Variants in RYR2 observed in about 807,000 individuals in gnomAD.
The protein encoded by RYR2 is cardiac muscle ryanodine receptor-calcium release channel.
Under a neutral mutation model 601.1 loss-of-function variants are expected in RYR2, and 227 were observed. The ratio of observed to expected loss-of-function variants is 0.38; its 90% CI spans 0.34 to 0.42. The LOEUF is 0.42. RYR2 is among the 10% of genes least tolerant of loss of function. The pLI is 1.00. For missense variants in RYR2, 4,646 were observed against 6,156.5 expected (o/e 0.75, Z 8.21); for synonymous variants, 2,223 against 2,175.1 (o/e 1.02, Z -0.61).
At chr1:237,647,159 A>G (rs1682254776) in intron 48 of RYR2, among the ~76,000 whole-genome samples, 1 of 152,192 alleles carries the variant, frequency 6.6e-6, no homozygotes, top group African/African-American at 2.4e-5. Context: ...TAATATACTG[A>G]TTTGACACTA....
In RYR2 at chr1:237,660,889, G is replaced by A. The variant is rs559773178; in HGVS notation, c.8378G>A (p.Arg2793Gln). ...LAWGWRIERT[R>Q]EGDSMALYNR... ...TGGGGCTGGAGAATTGAAAGAACTCGGGAGGGAGACAGCATGGCCCTTTAC... is the reference window on the plus strand; with the variant it reads ...TGGGGCTGGAGAATTGAAAGAACTCAGGAGGGAGACAGCATGGCCCTTTAC... The change falls in exon 56 of 105, where the codon CGG becomes CAG. Residue 2793 changes from arginine (R) to glutamine (Q), a missense_variant. Around this residue, in one of 17 missense-constraint regions of RYR2, gnomAD observed 1,497 missense variants for 1,842.6 expected, o/e 0.81. Coordinates refer to ENST00000366574, the MANE Select transcript of RYR2 (RefSeq NM_001035.3). 53 of 1,537,830 alleles carry A rather than the reference G, an allele frequency of 3.4e-5. No individual in the cohort carries two copies. The African/African-American group carries it at 4.8e-4, about 14-fold the overall frequency.
chr1:237,298,874 C>T (rs1693072446), intron 2 of RYR2, among the ~76,000 whole-genome samples: 1 of 152,008 alleles, frequency 6.6e-6, no homozygotes, highest in South Asian at 2.1e-4. Flanking sequence ...GTGGTGCACA[C>T]CTGTAGTTCC....
intron 84 of RYR2, among the ~76,000 whole-genome samples, chr1:237,767,073 C>G (rs897284798): frequency 6.6e-6 from 1 of 152,052 alleles, no homozygotes; most frequent in African/African-American, 2.4e-5. Context: ...TTCGATTCTC[C>G]CAACAGTCCT....
At position 237,784,513 on chromosome 1, in the gene RYR2, G is replaced by A. The variant is rs774406627; in HGVS notation, c.12801G>A (p.Gln4267=). Residue 4267 remains glutamine (Q), a synonymous_variant, in exon 90 of 105, where the codon CAG becomes CAA. Coordinates refer to ENST00000366574, the MANE Select transcript of RYR2 (RefSeq NM_001035.3). This position sits in a 1 kb window ranked among gnomAD's most constrained non-coding sequence, Gnocchi z 7.1. ...TCAGTCTGAAGAGCCTGAAGAAGCA[G>A]ATGAAAAAAGTAAAAAAGATGACCG... The part of the protein sequence containing the change: ...RMLSLKSLKK[Q]MKKVKKMTVK... 6.2e-7 allele frequency: 1 copy of A among 1,613,590 alleles called. No individual in the cohort carries two copies. The highest frequency in any genetic ancestry group is 1.3e-5 in the African/African-American group (1 of 74,884).
intron 82 of RYR2, among the ~76,000 whole-genome samples, chr1:237,758,111 G>T (rs546099952): frequency 6.6e-6 from 1 of 152,042 alleles, no homozygotes; most frequent in Non-Finnish European, 1.5e-5. Flanking sequence ...TAACCAGCTC[G>T]TTCTGTTCCC....
At chr1:237,744,740 A>G (rs1691927132) in intron 80 of RYR2, among the ~76,000 whole-genome samples, 2 of 149,482 alleles carry the variant, frequency 1.3e-5, no homozygotes, top group African/African-American at 4.9e-5. Context: ...AAAGTGAAAT[A>G]TTTGCTGCCA....
At chr1:237,096,777 G>A (rs1352814621) in intron 1 of RYR2, among the ~76,000 whole-genome samples, 1 of 152,202 alleles carries the variant, frequency 6.6e-6, no homozygotes, top group African/African-American at 2.4e-5. Context: ...AGCTGCTCTG[G>A]CATGTTCGGA....
chr1:237,223,068 T>TCAAAA (rs1047264227), intron 1 of RYR2, among the ~76,000 whole-genome samples: 11 of 152,156 alleles, frequency 7.2e-5, no homozygotes, highest in African/African-American at 2.7e-4. Flanking sequence ...AAACTCCGTC[T>TCAAAA]CAAAACAAAA....
At chr1:237,656,181 T>C (rs1044952278) in intron 53 of RYR2, among the ~76,000 whole-genome samples, 197 bp downstream of exon 53, 12 of 152,164 alleles carry the variant, frequency 7.9e-5, no homozygotes, top group African/African-American at 2.4e-4. Flanking sequence ...AGATAAGATG[T>C]ACCTTCTAGG....
chr1:237,668,539 C>CTG (rs1189892199), intron 58 of RYR2, among the ~76,000 whole-genome samples: 4 of 152,180 alleles, frequency 2.6e-5, no homozygotes, highest in Non-Finnish European at 5.9e-5. Flanking sequence ...AATGTGGTGT[C>CTG]TGTGTGTGTG....
intron 22 of RYR2, among the ~76,000 whole-genome samples, chr1:237,506,329 A>T (rs1665236172): frequency 6.6e-6 from 1 of 152,126 alleles, no homozygotes; most frequent in Admixed American, 6.5e-5. Flanking sequence ...CGAGGTCAGG[A>T]GATCGAAACC....
intron 3 of RYR2, among the ~76,000 whole-genome samples, chr1:237,344,024 T>C (rs1043345402): frequency 1.3e-5 from 2 of 151,994 alleles, no homozygotes; most frequent in Non-Finnish European, 2.9e-5. Context: ...GGTTTCTCCA[T>C]GTTGGCCAGG....
Position 237,711,840 on chromosome 1 carries a change from AT to A in RYR2, c.10323+5del. 1 of 1,280,906 alleles carries A rather than the reference AT, an allele frequency of 7.8e-7. No individual in the cohort carries two copies. The allele number at this position is 1,280,906 out of a possible 1,614,324, so 79.3% of individuals were successfully genotyped here. On this transcript the variant is annotated splice_donor_region_variant and intron_variant, in intron 71 of 104. Coordinates refer to ENST00000366574, the MANE Select transcript of RYR2 (RefSeq NM_001035.3). ...ATACCAAGTCAAAGATGTCAAAGGT[AT>A]TACTATAAACTGTTTCACTGTTCTG...
intron 82 of RYR2, among the ~76,000 whole-genome samples, chr1:237,759,400 A>G (rs1158989330): frequency 6.6e-6 from 1 of 152,104 alleles, no homozygotes; most frequent in African/African-American, 2.4e-5. Flanking sequence ...ATGCTGTTTA[A>G]TGACATCACC....
chr1:237,445,269 C>T (rs569658892), intron 13 of RYR2, 132 bp from the exon 14 acceptor site: 34 of 1,054,682 alleles, frequency 3.2e-5, no homozygotes, highest in African/African-American at 3.2e-4. Flanking sequence ...AACGTAACAG[C>T]TTCACAGTCC....
At chr1:237,656,306 A>G (rs776389420) in intron 53 of RYR2, among the ~76,000 whole-genome samples, 4 of 152,130 alleles carry the variant, frequency 2.6e-5, no homozygotes, top group Non-Finnish European at 4.4e-5. Flanking sequence ...AATAACGACA[A>G]TCAACCTCTA....
chr1:237,371,415 C>G (rs936437772), intron 6 of RYR2, among the ~76,000 whole-genome samples: 1 of 152,090 alleles, frequency 6.6e-6, no homozygotes, highest in Non-Finnish European at 1.5e-5. Context: ...CCTTGGCCTC[C>G]CAAAGTCCTG....
intron 73 of RYR2, 149 bp downstream of exon 73, chr1:237,718,670 A>G (rs1270814433): frequency 4.7e-6 from 2 of 428,652 alleles, no homozygotes; most frequent in Non-Finnish European, 8.5e-6. Flanking sequence ...AGCCTTTTGT[A>G]TTAAAAATTC....
intron 10 of RYR2, among the ~76,000 whole-genome samples, chr1:237,396,788 A>C (rs1702894453): frequency 6.6e-6 from 1 of 152,228 alleles, no homozygotes; most frequent in Admixed American, 6.5e-5. Context: ...AACATACACA[A>C]AAGAGAACCT....
Sources: allele counts gnomAD v4.1 joint callset (sites outside exome capture counted in the v4.1 genomes callset), GRCh38; gene constraint gnomAD v4.1.1; regional missense constraint gnomAD v4.1.1; non-coding constraint Gnocchi (gnomAD v3.1); transcripts MANE v1.5; gene names NCBI Gene and HGNC (gene_info 2026-07-23, HGNC 2026-07-21).